ADD3: variants seen among roughly 807,000 people sequenced by gnomAD.
The protein encoded by ADD3 is gamma-adducin.
In ADD3, 25 loss-of-function variants were observed where a neutral mutation model predicts 80.2. That is an observed-to-expected ratio of 0.31 (90% confidence interval 0.23 to 0.44). The LOEUF is 0.44. Among genes scored for constraint, ADD3 ranks in the 20% least tolerant of loss-of-function variants. The pLI is 1.00. For missense variants in ADD3, 829 were observed against 847.5 expected (o/e 0.98, Z 0.27); for synonymous variants, 284 against 289.6 (o/e 0.98, Z 0.20).
chr10:110,088,187 G>A (rs1847040984), intron 1 of ADD3, among the ~76,000 whole-genome samples: 1 of 152,060 alleles, frequency 6.6e-6, no homozygotes, highest in Non-Finnish European at 1.5e-5. Context: ...TTTTCAAATA[G>A]GCCACACTGT....
At chr10:110,048,525 A>C (rs1857147295) in intron 1 of ADD3, among the ~76,000 whole-genome samples, 1 of 152,178 alleles carries the variant, frequency 6.6e-6, no homozygotes, top group African/African-American at 2.4e-5. Flanking sequence ...TCATATGGAC[A>C]ATGAAATTTA....
At chr10:110,075,933 C>T (rs72828283) in intron 1 of ADD3, among the ~76,000 whole-genome samples, 10,405 of 152,232 alleles carry the variant, frequency 0.068, 479 homozygotes, top group South Asian at 0.15. Flanking sequence ...AGAGGATGTT[C>T]TAGGCCATCT....
rs56032817 is a variant in ADD3 at position 110,070,988 on chromosome 10, G to A, written c.-29-29637G>A. Among the ~76,000 whole-genome samples, 5 of 97,660 alleles carry A rather than the reference G, an allele frequency of 5.1e-5. 1 individual carries two copies. The highest frequency in any genetic ancestry group is 3.4e-4 in the East Asian group (1 of 2,906). The allele number at this position is 97,660 out of a possible 152,430, so 64.1% of individuals were successfully genotyped here. A position where few individuals can be genotyped will look rare whatever the true frequency, so the allele number is the denominator to read the frequency against. On this transcript the variant is annotated intron_variant, in intron 1 of 14. Coordinates refer to ENST00000356080, the MANE Select transcript of ADD3 (RefSeq NM_016824.5). ...TTAGTTTTTTGTTGTTTTTGGGGGG[G>A]GGGGGTGGGGAGCCAGCTTTGCCTC...
At chr10:110,074,875 C>A (rs1845208399) in intron 1 of ADD3, among the ~76,000 whole-genome samples, 1 of 152,068 alleles carries the variant, frequency 6.6e-6, no homozygotes, top group African/African-American at 2.4e-5. Flanking sequence ...TATTTAAAAT[C>A]TACAAAACTG....
At chr10:110,039,054 T>A (rs1181844531) in intron 1 of ADD3, among the ~76,000 whole-genome samples, 1 of 152,168 alleles carries the variant, frequency 6.6e-6, no homozygotes, top group Non-Finnish European at 1.5e-5. Flanking sequence ...TTGTGGTGAT[T>A]TTTAACTTTT....
At chr10:110,054,636 G>A (rs1368972805) in intron 1 of ADD3, among the ~76,000 whole-genome samples, 4 of 146,778 alleles carry the variant, frequency 2.7e-5, no homozygotes, top group Admixed American at 6.8e-5. Flanking sequence ...TTTTTTAGAC[G>A]GAGTCTCGCT....
intron 2 of ADD3, among the ~76,000 whole-genome samples, chr10:110,106,383 T>C (rs985167823): frequency 6.6e-6 from 1 of 152,038 alleles, no homozygotes; most frequent in Non-Finnish European, 1.5e-5. Context: ...CTCTTTTCTG[T>C]GACTTAAGTA....
At chr10:110,030,424 A>G (rs1358555866) in intron 1 of ADD3, among the ~76,000 whole-genome samples, 1 of 151,354 alleles carries the variant, frequency 6.6e-6, no homozygotes, top group Admixed American at 6.6e-5. Flanking sequence ...ATACTTGTGT[A>G]TATGTTTGAC....
chr10:110,028,959 A>G (rs1487329473), intron 1 of ADD3, among the ~76,000 whole-genome samples: 2 of 149,718 alleles, frequency 1.3e-5, no homozygotes, highest in East Asian at 4.0e-4. Flanking sequence ...GGCTCACCGC[A>G]ACCTCCGCCT....
At chr10:110,083,666 A>G (rs1280658672) in intron 1 of ADD3, among the ~76,000 whole-genome samples, 1 of 152,136 alleles carries the variant, frequency 6.6e-6, no homozygotes, top group African/African-American at 2.4e-5. Flanking sequence ...CCTGAATTTT[A>G]GAAGCCCCAG....
intron 9 of ADD3, 91 bp from the exon 10 acceptor site, chr10:110,123,924 CTT>C (rs1454303565): frequency 7.6e-7 from 1 of 1,314,158 alleles, no homozygotes; most frequent in Non-Finnish European, 1.0e-6. Flanking sequence ...GCAAAGGAGT[CTT>C]TTAAATCATT....
intron 1 of ADD3, among the ~76,000 whole-genome samples, chr10:110,013,958 T>A (rs187939337): frequency 6.6e-6 from 1 of 152,354 alleles, no homozygotes; most frequent in Non-Finnish European, 1.5e-5. Flanking sequence ...TTCTGTGCAG[T>A]TCTTCCACAA....
intron 1 of ADD3, among the ~76,000 whole-genome samples, chr10:110,091,897 TAAAC>T (rs1847562129): frequency 6.6e-6 from 1 of 151,976 alleles, no homozygotes; most frequent in Admixed American, 6.6e-5. Context: ...ACCCAACAGG[TAAAC>T]AACCCCTTAA....
intron 1 of ADD3, among the ~76,000 whole-genome samples, chr10:110,090,732 T>C (rs981788741): frequency 3.3e-5 from 5 of 152,218 alleles, no homozygotes; most frequent in Admixed American, 1.3e-4. Context: ...TTGACACATA[T>C]TTTATCTTTT....
chr10:110,072,236 G>A (rs1844811619), intron 1 of ADD3, among the ~76,000 whole-genome samples: 1 of 151,882 alleles, frequency 6.6e-6, no homozygotes, highest in South Asian at 2.1e-4. Flanking sequence ...TAATTTTTTT[G>A]TATTTTTTTT....
chr10:110,001,356 G>C (rs1441999814), upstream of ADD3, among the ~76,000 whole-genome samples: 2 of 150,956 alleles, frequency 1.3e-5, no homozygotes, highest in African/African-American at 4.9e-5. Context: ...TTGAAGCTGT[G>C]GTGAGCTGAA....
At chr10:110,080,666 T>C (rs1013024135) in intron 1 of ADD3, among the ~76,000 whole-genome samples, 2 of 152,244 alleles carry the variant, frequency 1.3e-5, no homozygotes, top group Non-Finnish European at 2.9e-5. Context: ...TGGATCCTTA[T>C]AATTTTTCAG....
intron 3 of ADD3, among the ~76,000 whole-genome samples, chr10:110,115,969 T>G (rs185476880): frequency 2.0e-5 from 3 of 152,224 alleles, no homozygotes; most frequent in Admixed American, 6.5e-5. Context: ...CTCGGAGATA[T>G]GTGTAACCAT....
intron 1 of ADD3, among the ~76,000 whole-genome samples, chr10:110,089,268 A>T (rs1847184444): frequency 6.6e-6 from 1 of 152,222 alleles, no homozygotes; most frequent in African/African-American, 2.4e-5. Flanking sequence ...ATGTTTATTT[A>T]AAAATAATAA....
Sources: allele counts gnomAD v4.1 joint callset (sites outside exome capture counted in the v4.1 genomes callset), GRCh38; gene constraint gnomAD v4.1.1; transcripts MANE v1.5; gene names NCBI Gene and HGNC (gene_info 2026-07-23, HGNC 2026-07-21).